Variants in RERE observed in about 807,000 individuals in gnomAD.
RERE encodes arginine-glutamic acid dipeptide repeats protein.
RERE carries 40 observed loss-of-function variants against 146.1 expected under a neutral mutation model. The observed-to-expected ratio is 0.27, with a 90% CI of 0.21 to 0.36. The LOEUF (loss-of-function observed/expected upper bound fraction) is 0.36. Ranked by LOEUF, RERE falls within the 10% of genes least tolerant of loss-of-function variation. RERE has a pLI of 1.00. For synonymous variants in RERE, 1,003 were observed against 866.0 expected (o/e 1.16, Z -2.78); for missense variants, 1,933 against 2,138.7 (o/e 0.90, Z 1.90).
At chr1:8,782,073 A>G (rs1206457512) in intron 1 of RERE, among the ~76,000 whole-genome samples, 1 of 152,082 alleles carries the variant, frequency 6.6e-6, no homozygotes, top group East Asian at 1.9e-4. Flanking sequence ...AAAAGGTGCT[A>G]TACTCACTCT....
intron 6 of RERE, among the ~76,000 whole-genome samples, chr1:8,544,744 T>C (rs931073364): frequency 6.6e-6 from 1 of 152,196 alleles, no homozygotes; most frequent in South Asian, 2.1e-4. Context: ...GTACTGTATA[T>C]TAAAAAACTA....
At chr1:8,812,605 C>T (rs1039985741) in intron 1 of RERE, among the ~76,000 whole-genome samples, 4 of 152,132 alleles carry the variant, frequency 2.6e-5, no homozygotes, top group Non-Finnish European at 5.9e-5. Context: ...GAGATCGTGC[C>T]ATCGCACTCC....
At chr1:8,795,993 AAAAAACAAAAC>A (rs1205975262) in intron 1 of RERE, among the ~76,000 whole-genome samples, 6 of 148,010 alleles carry the variant, frequency 4.1e-5, no homozygotes, top group African/African-American at 1.5e-4. Flanking sequence ...AAAAAAAAAA[AAAAAACAAAAC>A]AAAACAGGAA....
At chr1:8,790,247 C>T (rs1034870963) in intron 1 of RERE, among the ~76,000 whole-genome samples, 6 of 151,926 alleles carry the variant, frequency 3.9e-5, no homozygotes, top group Non-Finnish European at 5.9e-5. Context: ...TGTACTGAAA[C>T]GCGAGATAGT....
At chr1:8,403,020 T>TCCC (rs2124443705) in intron 12 of RERE, among the ~76,000 whole-genome samples, 1 of 152,254 alleles carries the variant, frequency 6.6e-6, no homozygotes, top group East Asian at 1.9e-4. Context: ...TGCCTCAGCC[T>TCCC]CCCTGGTAGC....
At chr1:8,805,846 T>G (rs1641681812) in intron 1 of RERE, 1 of 19,744 alleles carries the variant, frequency 5.1e-5, no homozygotes, top group Non-Finnish European at 1.2e-4. Context: ...ACAACCTTCT[T>G]TTTTTTTTTT....
At chr1:8,484,554 G>C (rs760654018) in intron 10 of RERE, among the ~76,000 whole-genome samples, 24 of 151,734 alleles carry the variant, frequency 1.6e-4, no homozygotes, top group Non-Finnish European at 1.3e-4. Flanking sequence ...CTCCCAAGTA[G>C]CTGGGATTAC....
intron 12 of RERE, among the ~76,000 whole-genome samples, chr1:8,400,222 A>G (rs866642749): frequency 9.3e-5 from 13 of 140,156 alleles, no homozygotes; most frequent in South Asian, 2.4e-4. Context: ...CCTGTGTCAT[A>G]TGTGTGTGTG....
At chr1:8,572,031 G>T (rs1646227931) in intron 4 of RERE, among the ~76,000 whole-genome samples, 1 of 152,176 alleles carries the variant, frequency 6.6e-6, no homozygotes, top group Admixed American at 6.5e-5. Context: ...ATCTTCTGCA[G>T]TAAGACCCCT....
At chr1:8,813,214 G>A (rs994258921) in intron 1 of RERE, among the ~76,000 whole-genome samples, 1 of 152,174 alleles carries the variant, frequency 6.6e-6, no homozygotes, top group South Asian at 2.1e-4. Context: ...TTTTCTTTCA[G>A]GATGTGTGTA....
intron 7 of RERE, 55 bp from the exon 8 acceptor site, chr1:8,508,730 T>A: frequency 7.2e-7 from 1 of 1,390,626 alleles, no homozygotes; most frequent in Admixed American, 2.1e-5. Flanking sequence ...GACATAAACA[T>A]TCACACATTT....
chr1:8,522,325 G>C (rs141539423), intron 7 of RERE, among the ~76,000 whole-genome samples: 1 of 152,110 alleles, frequency 6.6e-6, no homozygotes, highest in Non-Finnish European at 1.5e-5. Flanking sequence ...TAGAATACAC[G>C]GTTTTCTGGT....
chr1:8,417,940 G>A (rs981023216), intron 12 of RERE, among the ~76,000 whole-genome samples: 9 of 152,208 alleles, frequency 5.9e-5, no homozygotes, highest in Non-Finnish European at 1.2e-4. Flanking sequence ...CCCAACCTGG[G>A]CCTGTCAAAA....
At position 8,361,043 on chromosome 1, in the gene RERE, GCGA is replaced by G. The variant is rs1423069272; in HGVS notation, c.2461_2463del (p.Ser821del). ...GTCAGAGGCTGCAGCGGGGGATGTG[GCGA>G]GGGATGCGGCGGGGGATGCGGTGAG... is the stretch of plus-strand genomic sequence containing the variant. On this transcript the variant is annotated inframe_deletion, in exon 18 of 23. Transcript: ENST00000400908. 13 of 1,439,186 alleles carry G rather than the reference GCGA, an allele frequency of 9.0e-6. No homozygotes were observed. Among genetic ancestry groups the G allele is most frequent in the Admixed American group, 2.9e-5 (1 of 34,758 alleles). The allele number at this position is 1,439,186 out of a possible 1,614,324, so 89.2% of individuals were successfully genotyped here.
At chr1:8,382,903 A>G (rs896687034) in intron 12 of RERE, among the ~76,000 whole-genome samples, 1 of 152,006 alleles carries the variant, frequency 6.6e-6, no homozygotes, top group African/African-American at 2.4e-5. Flanking sequence ...GCCGGCACAC[A>G]TGCTCAGTAA....
chr1:8,711,624 T>C (rs1215349826), intron 1 of RERE, among the ~76,000 whole-genome samples: 2 of 152,206 alleles, frequency 1.3e-5, no homozygotes, highest in Non-Finnish European at 2.9e-5. Flanking sequence ...CAAACAGTTT[T>C]GTGGAAGAAA....
rs537878960 is a variant in RERE at position 8,500,185 on chromosome 1, T to G, written c.880-2656A>C. 4.6e-5 allele frequency among the ~76,000 whole-genome samples: 7 copies of G among 152,280 alleles called. No homozygotes were observed. In the South Asian group the frequency reaches 1.5e-3, roughly 32 times the overall value. On this transcript the variant is annotated intron_variant, in intron 8 of 22. Transcript: ENST00000400908. ...CAACAAATGTTGGAGTCAAAAGGTC[T>G]TTGACACTAGTACTGAGTTCTGCTT...
Position 8,364,344 on chromosome 1 carries a change from C to G in RERE, c.1541-89G>C. The G allele has an allele frequency of 3.4e-6, 4 of 1,182,038 alleles. No individual in the cohort carries two copies. In the Admixed American group the frequency reaches 7.0e-5, roughly 21 times the overall value. 73.2% of individuals were successfully genotyped at this position (1,182,038 alleles called of 1,614,324 possible). ...CAGAGGGGCCCTTCTGTGGGCTCTA[C>G]CCAAACCTGATGCCACCAGCACCAT... On this transcript the variant is annotated intron_variant, in intron 14 of 22. Transcript: ENST00000400908. The surrounding 1 kb of genome is among the most constrained non-coding windows in gnomAD (Gnocchi z 5.1).
chr1:8,368,275 T>A lies in RERE; in HGVS notation c.1285-2301A>T, dbSNP rs373044463. ...ACCTGAGGTCAGGAGATTGAGACCA[T>A]CCTGGCTAACATGGTGAAACCCTGT... On this transcript the variant is annotated intron_variant, in intron 12 of 22. Coordinates refer to ENST00000400908, the MANE Select transcript of RERE (RefSeq NM_001042681.2). 5.9e-5 allele frequency among the ~76,000 whole-genome samples: 9 copies of A among 151,712 alleles called. No homozygotes were observed. In the East Asian group the frequency reaches 1.8e-3, roughly 30 times the overall value.
Sources: allele counts gnomAD v4.1 joint callset (sites outside exome capture counted in the v4.1 genomes callset), GRCh38; gene constraint gnomAD v4.1.1; non-coding constraint Gnocchi (gnomAD v3.1); transcripts MANE v1.5; gene names NCBI Gene and HGNC (gene_info 2026-07-23, HGNC 2026-07-21).